The following ERP44 variants were observed in gnomAD, a reference collection of about 807,000 sequenced individuals.
The protein encoded by ERP44 is endoplasmic reticulum protein 44.
In ERP44, 25 loss-of-function variants were observed where a neutral mutation model predicts 53.4. The observed-to-expected ratio is 0.47, with a 90% CI of 0.34 to 0.65. The LOEUF (loss-of-function observed/expected upper bound fraction) is 0.65. ERP44 is among the 30% of genes least tolerant of loss of function. ERP44 has a pLI of 0.01. For missense variants in ERP44, 338 were observed against 493.2 expected, an observed-to-expected ratio of 0.69 and a Z score of 2.98; for synonymous variants, 145 against 161.2, an observed-to-expected ratio of 0.90 and a Z score of 0.76.
chr9:100,081,638 T>C (rs1826425648), intron 1 of ERP44, among the ~76,000 whole-genome samples: 1 of 152,176 alleles, frequency 6.6e-6, no homozygotes, highest in Admixed American at 6.5e-5. Context: ...TCCAACAGCA[T>C]TCCTGATTTA....
At chr9:100,093,332 A>C (rs926851125) in intron 1 of ERP44, among the ~76,000 whole-genome samples, 1 of 152,198 alleles carries the variant, frequency 6.6e-6, no homozygotes, top group Non-Finnish European at 1.5e-5. Context: ...AGAATCAACT[A>C]AGGATATAAA....
chr9:100,046,061 A>C (rs985523409), intron 4 of ERP44, among the ~76,000 whole-genome samples: 1 of 152,198 alleles, frequency 6.6e-6, no homozygotes, highest in Non-Finnish European at 1.5e-5. Flanking sequence ...ACTAGCAACA[A>C]AAAAACTAAA....
chr9:99,994,323 CA>C (rs1434522671), intron 10 of ERP44, among the ~76,000 whole-genome samples: 4 of 152,028 alleles, frequency 2.6e-5, no homozygotes, highest in East Asian at 1.9e-4. Flanking sequence ...TATGCAGCCA[CA>C]AAAAAAGATG....
At chr9:100,028,432 G>A (rs969687749) in intron 4 of ERP44, among the ~76,000 whole-genome samples, 1 of 152,210 alleles carries the variant, frequency 6.6e-6, no homozygotes, top group Admixed American at 6.5e-5. Flanking sequence ...GACTGCAGAA[G>A]ATAAGATGTG....
At chr9:100,085,781 C>T (rs1333066003) in intron 1 of ERP44, among the ~76,000 whole-genome samples, 1 of 152,210 alleles carries the variant, frequency 6.6e-6, no homozygotes, top group Non-Finnish European at 1.5e-5. Flanking sequence ...TGCCTGTAAT[C>T]TCAGCTACTT....
At position 99,996,921 on chromosome 9, in the gene ERP44, A is replaced by ATATG. The variant is rs913049487; in HGVS notation, c.1016+9584_1016+9585insCATA. Among the ~76,000 whole-genome samples the ATATG allele has an allele frequency of 8.6e-4, 17 of 19,716 alleles. No individual in the cohort carries two copies. The African/African-American group carries it at 8.7e-3, about 10-fold the overall frequency. The allele number at this position is 19,716 out of a possible 152,430, so 12.9% of individuals were successfully genotyped here. A position where few individuals can be genotyped will look rare whatever the true frequency, so the allele number is the denominator to read the frequency against. On this transcript the variant is annotated intron_variant, in intron 10 of 11. Transcript: ENST00000262455. Reference sequence around the variant, plus strand: ...TGTATATATATACATATATATATATATGTATATATATACACATACATATAC... The same window carrying ATATG: ...TGTATATATATACATATATATATATATATGTGTATATATATACACATACATATAC...
intron 1 of ERP44, among the ~76,000 whole-genome samples, chr9:100,080,833 G>A (rs1160910948): frequency 2.6e-5 from 4 of 151,974 alleles, no homozygotes; most frequent in Non-Finnish European, 5.9e-5. Context: ...CGTGGGTACA[G>A]GAAACTAACA....
chr9:100,055,988 A>G (rs956667580), intron 3 of ERP44, among the ~76,000 whole-genome samples: 1 of 152,234 alleles, frequency 6.6e-6, no homozygotes, highest in African/African-American at 2.4e-5. Context: ...AAGAGTATTA[A>G]TTCATCAACA....
chr9:100,088,894 T>C (rs1826517616), intron 1 of ERP44, among the ~76,000 whole-genome samples: 1 of 152,170 alleles, frequency 6.6e-6, no homozygotes, highest in African/African-American at 2.4e-5. Context: ...TTCCAGAAGA[T>C]ATCCTAAAAC....
At chr9:100,088,319 G>A (rs897869381) in intron 1 of ERP44, among the ~76,000 whole-genome samples, 2 of 152,064 alleles carry the variant, frequency 1.3e-5, no homozygotes, top group African/African-American at 2.4e-5. Context: ...TGACAATCAC[G>A]CTGCTCTCCT....
In ERP44 at chr9:100,082,288, A is replaced by C. The variant is rs116827716; in HGVS notation, c.57+16496T>G. Among the ~76,000 whole-genome samples the C allele has an allele frequency of 3.7e-3, 547 of 149,024 alleles. 7 individuals carry two copies. The highest frequency in any genetic ancestry group is 0.011 in the African/African-American group (410 of 38,672). Reference sequence around the variant, plus strand: ...TTTTAAACCAAAAAAGCCCATTCTAAAATATAAGCAGAAAACCACCATGGC... The same window carrying C: ...TTTTAAACCAAAAAAGCCCATTCTACAATATAAGCAGAAAACCACCATGGC... On this transcript the variant is annotated intron_variant, in intron 1 of 11. Coordinates refer to ENST00000262455, the MANE Select transcript of ERP44 (RefSeq NM_015051.3).
chr9:100,007,366 T>C (rs1274673446), intron 9 of ERP44, among the ~76,000 whole-genome samples: 1 of 152,196 alleles, frequency 6.6e-6, no homozygotes, highest in Non-Finnish European at 1.5e-5. Context: ...CTCTCCAAAA[T>C]AGTAATGGTT....
At chr9:100,020,941 C>G (rs1324144987) in intron 5 of ERP44, among the ~76,000 whole-genome samples, 1 of 152,208 alleles carries the variant, frequency 6.6e-6, no homozygotes, top group African/African-American at 2.4e-5. Flanking sequence ...TAAATACAAT[C>G]ATAAACATTT....
intron 1 of ERP44, among the ~76,000 whole-genome samples, chr9:100,093,067 A>G (rs1398016214): frequency 6.6e-6 from 1 of 152,234 alleles, no homozygotes; most frequent in East Asian, 1.9e-4. Context: ...TACATTTTTT[A>G]TAACTGTGAA....
chr9:100,028,285 C>T (rs1434675904), intron 4 of ERP44, among the ~76,000 whole-genome samples: 1 of 152,190 alleles, frequency 6.6e-6, no homozygotes, highest in African/African-American at 2.4e-5. Flanking sequence ...TAGTGCCATA[C>T]AGCCTAAGGC....
Position 99,980,060 on chromosome 9 carries a change from T to G in ERP44, c.*2552A>C. The G allele has an allele frequency of 2.5e-6, 1 of 398,536 alleles. No homozygotes were observed. Among genetic ancestry groups the G allele is most frequent in the Non-Finnish European group, 4.4e-6 (1 of 225,986 alleles). 24.7% of individuals were successfully genotyped at this position (398,536 alleles called of 1,614,324 possible). A position where few individuals can be genotyped will look rare whatever the true frequency, so the allele number is the denominator to read the frequency against. ...CTGTTTCATACCTTTGCTCAGATTA[T>G]TCCCTCTCAGCCAGATCCCTACCTC... On this transcript the variant is annotated 3_prime_UTR_variant, in exon 12 of 12. Coordinates refer to ENST00000262455, the MANE Select transcript of ERP44 (RefSeq NM_015051.3).
At chr9:100,002,645 C>T (rs1027116001) in intron 10 of ERP44, among the ~76,000 whole-genome samples, 1 of 152,120 alleles carries the variant, frequency 6.6e-6, no homozygotes, top group South Asian at 2.1e-4. Context: ...TACTGGAACT[C>T]CCCTTTATAT....
chr9:99,984,861 T>C, intron 11 of ERP44, 106 bp downstream of exon 11: 4 of 628,430 alleles, frequency 6.4e-6, no homozygotes, highest in Non-Finnish European at 1.1e-5. Flanking sequence ...TACACAAATA[T>C]TCAGAAGCTG....
At chr9:99,984,528 T>C (rs1341637409) in intron 11 of ERP44, among the ~76,000 whole-genome samples, 2 of 152,198 alleles carry the variant, frequency 1.3e-5, no homozygotes, top group Non-Finnish European at 2.9e-5. Flanking sequence ...AATAGTGTAT[T>C]TGTGAAGGCT....
Sources: allele counts gnomAD v4.1 joint callset (sites outside exome capture counted in the v4.1 genomes callset), GRCh38; gene constraint gnomAD v4.1.1; transcripts MANE v1.5; gene names NCBI Gene and HGNC (gene_info 2026-07-23, HGNC 2026-07-21).